The following CSRP2 variants were observed in gnomAD, a reference collection of about 807,000 sequenced individuals.
CSRP2 encodes the protein cysteine and glycine rich protein 2.
A neutral mutation model predicts 24.6 loss-of-function variants in CSRP2; 18 were observed. The observed-to-expected ratio is 0.73, with a 90% CI of 0.51 to 1.09. CSRP2 has a LOEUF of 1.09. Among genes scored for constraint, CSRP2 ranks in the 50% least tolerant of loss-of-function variants. CSRP2 has a pLI of 0.00. For missense variants in CSRP2, 215 were observed against 239.4 expected (o/e 0.90, Z 0.67); for synonymous variants, 87 against 84.3 (o/e 1.03, Z -0.18).
chr12:76,878,513 C>T lies in CSRP2; in HGVS notation c.-2+425G>A, dbSNP rs184536377. 3.4e-3 allele frequency among the ~76,000 whole-genome samples: 522 copies of T among 152,174 alleles called. 4 individuals carry two copies. The highest frequency in any genetic ancestry group is 5.5e-3 in the Non-Finnish European group (376 of 67,990). On this transcript the variant is annotated intron_variant, in intron 1 of 5. Transcript: ENST00000311083. Reference sequence around the variant, plus strand: ...TCACCACACTCCGGGCAGAGGGGGCCCTGAGACTCCGACCCCCACCCCAGA... The same window carrying T: ...TCACCACACTCCGGGCAGAGGGGGCTCTGAGACTCCGACCCCCACCCCAGA...
At position 76,858,908 on chromosome 12, in the gene CSRP2, T is replaced by C; in HGVS notation, c.*44A>G. On this transcript the variant is annotated 3_prime_UTR_variant, in exon 6 of 6. Coordinates refer to ENST00000311083, the MANE Select transcript of CSRP2 (RefSeq NM_001321.3). ...TTAAAGATTATCTGTGCCTAGATTA[T>C]GAAGAGATTCTCAGTGTGTGATGTT... The C allele has an allele frequency of 2.0e-6, 3 of 1,516,912 alleles. No individual in the cohort carries two copies. The highest frequency in any genetic ancestry group is 2.7e-6 in the Non-Finnish European group (3 of 1,091,722). 94.0% of individuals were successfully genotyped at this position (1,516,912 alleles called of 1,614,324 possible). A position where few individuals can be genotyped will look rare whatever the true frequency, so the allele number is the denominator to read the frequency against.
At chr12:76,863,014 C>G in intron 3 of CSRP2, 162 bp downstream of exon 3, 1 of 1,434,740 alleles carries the variant, frequency 7.0e-7, no homozygotes, top group Non-Finnish European at 9.1e-7. Flanking sequence ...TTTGTTAGGT[C>G]CAAAACTCAA....
chr12:76,859,299 T>TAC (rs1402323175), intron 5 of CSRP2, among the ~76,000 whole-genome samples: 2 of 152,244 alleles, frequency 1.3e-5, no homozygotes, highest in Non-Finnish European at 2.9e-5. Context: ...TTCTTCCATA[T>TAC]ACTTACGCTT....
At chr12:76,864,959 G>T (rs1953720218) in intron 2 of CSRP2, 1 of 152,166 alleles carries the variant, frequency 6.6e-6, no homozygotes, top group Non-Finnish European at 1.5e-5. Flanking sequence ...ACAAGTGTAG[G>T]TATATGAAAG....
chr12:76,869,289 T>C lies in CSRP2; in HGVS notation c.-1-3028A>G, dbSNP rs187640883. Among the ~76,000 whole-genome samples the C allele has an allele frequency of 1.4e-3, 216 of 152,210 alleles. 1 individual carries two copies. Among genetic ancestry groups the C allele is most frequent in the African/African-American group, 4.9e-3 (203 of 41,544 alleles). Reference sequence around the variant, plus strand: ...TCAAGAGAGTGGATCCCTCATGACCTAAACATCTCCCATTAGGCCCAACTC... The same window carrying C: ...TCAAGAGAGTGGATCCCTCATGACCCAAACATCTCCCATTAGGCCCAACTC... On this transcript the variant is annotated intron_variant, in intron 1 of 5. Coordinates refer to ENST00000311083, the MANE Select transcript of CSRP2 (RefSeq NM_001321.3).
chr12:76,863,490 T>C, intron 2 of CSRP2, 146 bp from the exon 3 acceptor site: 2 of 722,034 alleles, frequency 2.8e-6, no homozygotes, highest in South Asian at 2.0e-5. Context: ...CCAAAAGCCA[T>C]GAGACAGCAT....
chr12:76,860,495 T>G, intron 3 of CSRP2, 82 bp from the exon 4 acceptor site: 2 of 1,517,242 alleles, frequency 1.3e-6, no homozygotes, highest in Non-Finnish European at 1.8e-6. Context: ...AATAGAACTC[T>G]GGGACTTAAC....
intron 4 of CSRP2, among the ~76,000 whole-genome samples, 164 bp downstream of exon 4, chr12:76,860,120 A>G (rs954768735): frequency 6.6e-6 from 1 of 152,258 alleles, no homozygotes; most frequent in Admixed American, 6.5e-5. Context: ...TAAGGGAATC[A>G]CTTCAAAAAA....
intron 1 of CSRP2, among the ~76,000 whole-genome samples, chr12:76,877,428 A>G (rs532077670): frequency 3.0e-4 from 45 of 152,244 alleles, no homozygotes; most frequent in Non-Finnish European, 5.0e-4. Context: ...CGAACTTTAG[A>G]TCAAATCTGC....
At chr12:76,863,148 G>T in intron 3 of CSRP2, 28 bp downstream of exon 3, 3 of 1,590,420 alleles carry the variant, frequency 1.9e-6, no homozygotes, top group Non-Finnish European at 2.6e-6. Context: ...ACTCATTTCT[G>T]AAGGTAACCA....
At chr12:76,863,908 A>C (rs1242557876) in intron 2 of CSRP2, 2 of 152,168 alleles carry the variant, frequency 1.3e-5, no homozygotes, top group Non-Finnish European at 2.9e-5. Context: ...TCCTGGGATA[A>C]TAATAGTTTT....
intron 1 of CSRP2, among the ~76,000 whole-genome samples, chr12:76,868,040 C>T (rs182159801): frequency 4.6e-5 from 7 of 152,184 alleles, no homozygotes; most frequent in Non-Finnish European, 7.4e-5. Flanking sequence ...GACTGTCTTC[C>T]GGGAAAGCAG....
At chr12:76,866,037 C>A (rs937872761) in intron 2 of CSRP2, 112 bp downstream of exon 2, 2 of 755,850 alleles carry the variant, frequency 2.6e-6, no homozygotes, top group East Asian at 5.5e-5. Flanking sequence ...AAAAACCATT[C>A]GTGCTTTCAA....
At position 76,878,975 on chromosome 12, in the gene CSRP2, T is replaced by C. The variant is rs1953879184; in HGVS notation, c.-39A>G. The C allele has an allele frequency of 6.6e-6, 1 of 152,060 alleles. No homozygotes were observed. The highest frequency in any genetic ancestry group is 1.5e-5 in the Non-Finnish European group (1 of 68,056). The allele number at this position is 152,060 out of a possible 1,614,324, so 9.4% of individuals were successfully genotyped here. A position where few individuals can be genotyped will look rare whatever the true frequency, so the allele number is the denominator to read the frequency against. On this transcript the variant is annotated 5_prime_UTR_variant, in exon 1 of 6. Transcript: ENST00000311083. ...CGGGAGCACGTACCGCAGGCGGAGC[T>C]AGCGAGGCTGGGCTGGAGGGAGGGT...
intron 1 of CSRP2, among the ~76,000 whole-genome samples, chr12:76,873,813 C>T (rs939507384): frequency 1.1e-4 from 17 of 152,222 alleles, no homozygotes; most frequent in African/African-American, 3.9e-4. Flanking sequence ...CAAACCCTCC[C>T]CATCAAGGCA....
At chr12:76,860,518 T>C in intron 3 of CSRP2, 105 bp from the exon 4 acceptor site, 3 of 1,374,312 alleles carry the variant, frequency 2.2e-6, no homozygotes, top group Non-Finnish European at 3.0e-6. Flanking sequence ...CTACACTGCC[T>C]CAAAGCTGGA....
intron 1 of CSRP2, among the ~76,000 whole-genome samples, chr12:76,876,157 G>A (rs1432624134): frequency 6.6e-6 from 1 of 152,140 alleles, no homozygotes; most frequent in Non-Finnish European, 1.5e-5. Context: ...CCACCATGAA[G>A]CCCTCTTTCC....
chr12:76,861,062 A>G (rs1953671708), intron 3 of CSRP2: 1 of 152,112 alleles, frequency 6.6e-6, no homozygotes, highest in African/African-American at 2.4e-5. Context: ...CTATTTACAG[A>G]TCACTGAGTA....
chr12:76,862,679 C>G (rs1953694315), intron 3 of CSRP2: 1 of 1,185,470 alleles, frequency 8.4e-7, no homozygotes, highest in African/African-American at 1.6e-5. Flanking sequence ...TAACACTACT[C>G]TCTCAAAGAA....
Sources: allele counts gnomAD v4.1 joint callset (sites outside exome capture counted in the v4.1 genomes callset), GRCh38; gene constraint gnomAD v4.1.1; transcripts MANE v1.5; gene names NCBI Gene and HGNC (gene_info 2026-07-23, HGNC 2026-07-21).